Variants in SNTG1 observed in about 807,000 individuals in gnomAD.
The protein encoded by SNTG1 is gamma-1-syntrophin.
SNTG1 carries 39 observed loss-of-function variants against 74.7 expected under a neutral mutation model. The ratio of observed to expected loss-of-function variants is 0.52; its 90% CI spans 0.40 to 0.68. SNTG1 has a LOEUF of 0.68. SNTG1 is among the 30% of genes least tolerant of loss of function. The pLI is 0.00. For synonymous variants in SNTG1, 254 were observed against 217.1 expected (o/e 1.17, Z -1.49); for missense variants, 685 against 609.5 (o/e 1.12, Z -1.30).
intron 1 of SNTG1, among the ~76,000 whole-genome samples, chr8:49,945,483 G>A (rs1441805187): frequency 6.6e-6 from 1 of 152,198 alleles, no homozygotes; most frequent in Non-Finnish European, 1.5e-5. Context: ...ATGTTAAGCA[G>A]CAGTTGCCCC....
chr8:50,242,791 C>T (rs2086224539), intron 2 of SNTG1, among the ~76,000 whole-genome samples: 1 of 149,762 alleles, frequency 6.7e-6, no homozygotes, highest in Non-Finnish European at 1.5e-5. Context: ...TTTATATTAC[C>T]ATATTATCTA....
intron 9 of SNTG1, among the ~76,000 whole-genome samples, chr8:50,508,988 C>G (rs1351829246): frequency 2.0e-5 from 3 of 152,076 alleles, no homozygotes; most frequent in Non-Finnish European, 4.4e-5. Context: ...GACATGAAGT[C>G]CTTGCCCATG....
chr8:50,654,345 T>G (rs2095167531), intron 13 of SNTG1, among the ~76,000 whole-genome samples: 1 of 152,158 alleles, frequency 6.6e-6, no homozygotes, highest in Non-Finnish European at 1.5e-5. Flanking sequence ...AATTCTTTCT[T>G]TAGCTGCTTT....
chr8:49,930,449 C>G (rs1268977499), intron 1 of SNTG1, among the ~76,000 whole-genome samples: 1 of 150,584 alleles, frequency 6.6e-6, no homozygotes, highest in South Asian at 2.1e-4. Flanking sequence ...AATAATCTAG[C>G]AATCTAGAAA....
At chr8:50,296,118 T>C (rs1442435371) in intron 2 of SNTG1, among the ~76,000 whole-genome samples, 1 of 152,154 alleles carries the variant, frequency 6.6e-6, no homozygotes, top group Non-Finnish European at 1.5e-5. Flanking sequence ...AACACCATGT[T>C]CTGCATTTTA....
intron 1 of SNTG1, among the ~76,000 whole-genome samples, chr8:50,153,844 G>A (rs1237806240): frequency 2.0e-5 from 3 of 152,130 alleles, no homozygotes; most frequent in African/African-American, 4.8e-5. Flanking sequence ...TAGGCTACTC[G>A]GGAGTCAGGG....
intron 2 of SNTG1, among the ~76,000 whole-genome samples, chr8:50,384,921 A>G (rs2092550274): frequency 6.6e-6 from 1 of 152,110 alleles, no homozygotes; most frequent in African/African-American, 2.4e-5. Context: ...GTTCATGATG[A>G]ACATCTCAGG....
intron 9 of SNTG1, among the ~76,000 whole-genome samples, chr8:50,513,349 G>A (rs148789134): frequency 1.3e-5 from 2 of 152,190 alleles, no homozygotes; most frequent in East Asian, 3.9e-4. Context: ...TCTCAGTTAG[G>A]CTACTCGGAG....
chr8:50,214,315 G>A (rs929591619), intron 2 of SNTG1, among the ~76,000 whole-genome samples: 1 of 149,934 alleles, frequency 6.7e-6, no homozygotes, highest in Non-Finnish European at 1.5e-5. Context: ...GCTAAATGAC[G>A]AGTTAATGGG....
chr8:49,999,381 T>G (rs73569382), intron 1 of SNTG1, among the ~76,000 whole-genome samples: 2,553 of 152,268 alleles, frequency 0.017, 89 homozygotes, highest in African/African-American at 0.058. Context: ...AGTACGGTCT[T>G]CTGCCTGGAA....
At chr8:50,333,688 G>A (rs74986762) in intron 2 of SNTG1, among the ~76,000 whole-genome samples, 2,140 of 152,264 alleles carry the variant, frequency 0.014, 59 homozygotes, top group African/African-American at 0.049. Context: ...TGAGAATGGC[G>A]TTATCAGAGA....
intron 1 of SNTG1, among the ~76,000 whole-genome samples, chr8:50,108,376 T>G (rs2080460135): frequency 6.6e-6 from 1 of 152,116 alleles, no homozygotes; most frequent in Admixed American, 6.6e-5. Flanking sequence ...AGGTCAAAGG[T>G]TGATGTTGTA....
intron 2 of SNTG1, among the ~76,000 whole-genome samples, chr8:50,307,039 T>A (rs938474296): frequency 6.6e-5 from 10 of 152,100 alleles, no homozygotes; most frequent in Non-Finnish European, 1.5e-4. Flanking sequence ...TCATCAATAT[T>A]CCTGTATATA....
At chr8:50,005,450 A>G (rs1446644405) in intron 1 of SNTG1, among the ~76,000 whole-genome samples, 1 of 144,750 alleles carries the variant, frequency 6.9e-6, no homozygotes, top group Non-Finnish European at 1.5e-5. Context: ...CAATACAATG[A>G]CATAGTCTAC....
rs1293931007 is a variant in SNTG1 at position 50,502,753 on chromosome 8, GTATTCTTTT to G, written c.364-14_364-6del. ...TAACATGATAAATGTAATGATGATT[GTATTCTTTT>G]TATTCTTTTTTTCAGGTTCAGGTTC... On this transcript the variant is annotated splice_polypyrimidine_tract_variant and intron_variant, in intron 8 of 18. Transcript: ENST00000642720. 2.6e-6 allele frequency: 4 copies of G among 1,563,524 alleles called. No individual in the cohort carries two copies. In the African/African-American group the frequency reaches 5.4e-5, roughly 21 times the overall value.
intron 17 of SNTG1, among the ~76,000 whole-genome samples, chr8:50,731,224 A>G (rs931085088): frequency 6.6e-6 from 1 of 152,110 alleles, no homozygotes; most frequent in African/African-American, 2.4e-5. Context: ...GATGGAGTTC[A>G]GGCCAGTGCC....
At chr8:50,080,346 T>C (rs1822293022) in intron 1 of SNTG1, among the ~76,000 whole-genome samples, 1 of 152,204 alleles carries the variant, frequency 6.6e-6, no homozygotes, top group Non-Finnish European at 1.5e-5. Context: ...AATCTTTTTA[T>C]GTCCTTGAGT....
chr8:50,374,613 C>CTT (rs956022978), intron 2 of SNTG1, among the ~76,000 whole-genome samples: 1 of 152,180 alleles, frequency 6.6e-6, no homozygotes, highest in African/African-American at 2.4e-5. Context: ...GGTCTTTAAA[C>CTT]TTTGCTCCGC....
chr8:50,603,985 T>C (rs1165098192), intron 13 of SNTG1, among the ~76,000 whole-genome samples: 6 of 152,106 alleles, frequency 3.9e-5, no homozygotes. Context: ...CCACCTAGGT[T>C]CACTCAAAGC....
Sources: allele counts gnomAD v4.1 joint callset (sites outside exome capture counted in the v4.1 genomes callset), GRCh38; gene constraint gnomAD v4.1.1; transcripts MANE v1.5; gene names NCBI Gene and HGNC (gene_info 2026-07-23, HGNC 2026-07-21).